Variants in CBLN2 observed in about 807,000 individuals in gnomAD.
The protein encoded by CBLN2 is cerebellin 2 precursor.
A neutral mutation model predicts 15.0 loss-of-function variants in CBLN2; 7 were observed. The ratio of observed to expected loss-of-function variants is 0.47; its 90% CI spans 0.27 to 0.88. The LOEUF is 0.88. Ranked by LOEUF, CBLN2 falls within the 40% of genes least tolerant of loss-of-function variation. The pLI is 0.14. For synonymous variants in CBLN2, 149 were observed against 135.2 expected, an observed-to-expected ratio of 1.10 and a Z score of -0.71; for missense variants, 242 against 304.5, an observed-to-expected ratio of 0.79 and a Z score of 1.53.
chr18:72,575,822 G>GAA (rs397827188), intron 1 of CBLN2, among the ~76,000 whole-genome samples: 2 of 151,498 alleles, frequency 1.3e-5, no homozygotes, highest in African/African-American at 4.9e-5. Flanking sequence ...GATTGGCTGA[G>GAA]TAATCATCCC....
At chr18:72,597,678 C>T (rs2069522160) in intron 1 of CBLN2, among the ~76,000 whole-genome samples, 1 of 152,200 alleles carries the variant, frequency 6.6e-6, no homozygotes. Flanking sequence ...TGTCTGTGAA[C>T]AAGGGCTTCT....
chr18:72,620,175 C>T (rs977654033), intron 1 of CBLN2: 12 of 152,278 alleles, frequency 7.9e-5, no homozygotes, highest in African/African-American at 2.9e-4. Context: ...TAAATGTTAA[C>T]AGCTCAGTAA....
At chr18:72,612,856 G>C (rs2069631552) in intron 1 of CBLN2, among the ~76,000 whole-genome samples, 1 of 152,190 alleles carries the variant, frequency 6.6e-6, no homozygotes, top group South Asian at 2.1e-4. Context: ...CTGTAACAAA[G>C]TGTCATAAAC....
chr18:72,578,296 A>C (rs2069381166), intron 1 of CBLN2, among the ~76,000 whole-genome samples: 1 of 152,192 alleles, frequency 6.6e-6, no homozygotes, highest in South Asian at 2.1e-4. Context: ...AAAACTGTCT[A>C]CCTGGAAATT....
At chr18:72,594,948 G>A (rs1003182243) in intron 1 of CBLN2, among the ~76,000 whole-genome samples, 11 of 145,550 alleles carry the variant, frequency 7.6e-5, no homozygotes, top group Middle Eastern at 3.4e-3. Context: ...AGGTTTGCTG[G>A]TTTTGTTTAT....
chr18:72,595,861 A>G (rs2069510030), intron 1 of CBLN2, among the ~76,000 whole-genome samples: 1 of 151,444 alleles, frequency 6.6e-6, no homozygotes, highest in Admixed American at 6.6e-5. Context: ...TTTAAGTTTC[A>G]GTTGGCATGG....
intron 1 of CBLN2, among the ~76,000 whole-genome samples, chr18:72,601,781 G>A (rs991902687): frequency 6.6e-6 from 1 of 152,096 alleles, no homozygotes; most frequent in Non-Finnish European, 1.5e-5. Flanking sequence ...GCCTATAAGC[G>A]GGAGGGGGGC....
chr18:72,556,990 T>C (rs1227217805), intron 1 of CBLN2, among the ~76,000 whole-genome samples: 1 of 152,008 alleles, frequency 6.6e-6, no homozygotes, highest in Admixed American at 6.6e-5. Context: ...TATGCTGACA[T>C]CTAAGGAGTA....
rs1313769786 is a variant in CBLN2, at chr18:72,537,384, A to G, written c.*792T>C. The G allele has an allele frequency of 6.6e-6, 1 of 152,260 alleles. No homozygotes were observed. The highest frequency in any genetic ancestry group is 1.5e-5 in the Non-Finnish European group (1 of 68,052). The allele number at this position is 152,260 out of a possible 1,614,324, so 9.4% of individuals were successfully genotyped here. A position where few individuals can be genotyped will look rare whatever the true frequency, so the allele number is the denominator to read the frequency against. Reference sequence around the variant, plus strand: ...CTTTTTGTTTAGTTTGGTCTCGTCTAAAACAAAACATACAGGTATTTTAAT... The same window carrying G: ...CTTTTTGTTTAGTTTGGTCTCGTCTGAAACAAAACATACAGGTATTTTAAT... On this transcript the variant is annotated 3_prime_UTR_variant, in exon 5 of 5. Coordinates refer to ENST00000269503, the MANE Select transcript of CBLN2 (RefSeq NM_182511.4).
chr18:72,597,465 C>T (rs1342584507), intron 1 of CBLN2, among the ~76,000 whole-genome samples: 1 of 152,226 alleles, frequency 6.6e-6, no homozygotes, highest in Non-Finnish European at 1.5e-5. Context: ...TGGCCACTAT[C>T]ACAGAGATTG....
At chr18:72,633,961 A>T (rs186949734) in intron 1 of CBLN2, among the ~76,000 whole-genome samples, 2 of 152,282 alleles carry the variant, frequency 1.3e-5, no homozygotes, top group Non-Finnish European at 2.9e-5. Context: ...GAGCAATCAC[A>T]CAGGGGACAA....
chr18:72,579,834 A>C (rs915210695), intron 1 of CBLN2, among the ~76,000 whole-genome samples: 2 of 152,170 alleles, frequency 1.3e-5, no homozygotes, highest in African/African-American at 2.4e-5. Flanking sequence ...AGAACCACTA[A>C]ATTGATTGAC....
chr18:72,638,277 T>A (rs1394127280), intron 1 of CBLN2: 2 of 398,448 alleles, frequency 5.0e-6, no homozygotes, highest in Non-Finnish European at 8.8e-6. Flanking sequence ...TGACCTTTGC[T>A]AGGATAAAAT....
At chr18:72,571,816 A>G (rs2069333977) in intron 1 of CBLN2, among the ~76,000 whole-genome samples, 1 of 152,238 alleles carries the variant, frequency 6.6e-6, no homozygotes, top group Non-Finnish European at 1.5e-5. Flanking sequence ...TCAGACTTAA[A>G]TGAGAGCACT....
chr18:72,612,830 C>A (rs2069631450), intron 1 of CBLN2, among the ~76,000 whole-genome samples: 2 of 152,194 alleles, frequency 1.3e-5, no homozygotes, highest in Admixed American at 6.6e-5. Flanking sequence ...CAGAACCCAG[C>A]TCCCAGCTGG....
In CBLN2 at chr18:72,569,660, G is replaced by A. The variant is rs150969433; in HGVS notation, c.16-30888C>T. Among the ~76,000 whole-genome samples the A allele has an allele frequency of 8.5e-4, 129 of 152,228 alleles. No homozygotes were observed. The South Asian group carries it at 8.7e-3, about 10-fold the overall frequency. On this transcript the variant is annotated intron_variant, in intron 1 of 2. Coordinates refer to the CBLN2 transcript ENST00000581073. ...AGGGGGATCAGGCCCCACACATGGCGAAGGGGAGAGCAAGAGAGAGAGGGA... is the reference window on the plus strand; with the variant it reads ...AGGGGGATCAGGCCCCACACATGGCAAAGGGGAGAGCAAGAGAGAGAGGGA...
intron 1 of CBLN2, among the ~76,000 whole-genome samples, chr18:72,553,354 G>A (rs1451852946): frequency 1.3e-5 from 2 of 152,098 alleles, no homozygotes; most frequent in African/African-American, 2.4e-5. Context: ...GGGAAGGAGC[G>A]ATAAACTTCT....
rs76871698 is a variant in CBLN2 at position 72,542,461 on chromosome 18, G to T, written c.-166-135C>A. On this transcript the variant is annotated intron_variant, in intron 2 of 4. Coordinates refer to ENST00000269503, the MANE Select transcript of CBLN2 (RefSeq NM_182511.4). The stretch of plus-strand genomic sequence containing the variant: ...CCTTGGTCCCGCGCACAGCCAACCC[G>T]CTTTCCGATCTGGCACAACAGGTCC... The T allele has an allele frequency of 8.0e-3, 1,479 of 184,812 alleles. 15 individuals are homozygous for T. The highest frequency in any genetic ancestry group is 0.039 in the South Asian group (198 of 5,084). The allele number at this position is 184,812 out of a possible 1,614,324, so 11.4% of individuals were successfully genotyped here.
chr18:72,613,489 C>T (rs564542392), intron 1 of CBLN2, among the ~76,000 whole-genome samples: 1 of 94,452 alleles, frequency 1.1e-5, no homozygotes, highest in Non-Finnish European at 3.3e-5. Context: ...TTCTTACACA[C>T]TTTAGTTGAA....
Sources: gnomAD v4.1 joint callset for allele counts (sites outside exome capture counted in the v4.1 genomes callset) on GRCh38, gnomAD v4.1.1 for gene constraint, MANE v1.5 for transcripts, NCBI Gene and HGNC (gene_info 2026-07-23, HGNC 2026-07-21) for gene names.